BNC2: variants seen among roughly 807,000 people sequenced by gnomAD.
The protein encoded by BNC2 is zinc finger protein basonuclin-2.
In BNC2, 20 loss-of-function variants were observed where a neutral mutation model predicts 76.3. The ratio of observed to expected loss-of-function variants is 0.26; its 90% CI spans 0.18 to 0.38. The LOEUF is 0.38. BNC2 is among the 10% of genes least tolerant of loss of function. The probability of loss-of-function intolerance (pLI) is 1.00; values close to 1 mark genes in which losing one functional copy is unlikely to be tolerated. For synonymous variants in BNC2, 582 were observed against 514.8 expected, an observed-to-expected ratio of 1.13 and a Z score of -1.77; for missense variants, 1,382 against 1,399.8, an observed-to-expected ratio of 0.99 and a Z score of 0.20.
At chr9:16,669,401 C>G (rs1822406695) in intron 3 of BNC2, among the ~76,000 whole-genome samples, 1 of 152,192 alleles carries the variant, frequency 6.6e-6, no homozygotes, top group South Asian at 2.1e-4. Context: ...ATCCAACTCC[C>G]TCAGATCAAG....
intron 4 of BNC2, among the ~76,000 whole-genome samples, chr9:16,570,835 C>T (rs145225192): frequency 7.2e-5 from 11 of 152,234 alleles, no homozygotes; most frequent in African/African-American, 2.4e-4. Context: ...TTTATACCAT[C>T]ACACATATTT....
intron 5 of BNC2, among the ~76,000 whole-genome samples, chr9:16,472,267 C>G (rs1193296906): frequency 6.6e-6 from 1 of 152,156 alleles, no homozygotes; most frequent in Non-Finnish European, 1.5e-5. Context: ...TCTCCTTCCC[C>G]TCTCACTTCC....
chr9:16,626,662 C>A (rs947106850), intron 3 of BNC2, among the ~76,000 whole-genome samples: 16 of 152,060 alleles, frequency 1.1e-4, no homozygotes, highest in East Asian at 7.8e-4. Flanking sequence ...GCCTAGCCTA[C>A]GAAACGTAAA....
chr9:16,647,076 A>C (rs1403604459), intron 3 of BNC2, among the ~76,000 whole-genome samples: 1 of 152,146 alleles, frequency 6.6e-6, no homozygotes, highest in Non-Finnish European at 1.5e-5. Context: ...GATTTTATTT[A>C]AATGCAACCT....
intron 5 of BNC2, among the ~76,000 whole-genome samples, chr9:16,461,558 A>G (rs982641264): frequency 2.0e-5 from 3 of 147,662 alleles, no homozygotes; most frequent in Non-Finnish European, 3.0e-5. Flanking sequence ...AAACGTTTCA[A>G]TCCAGCGCCT....
chr9:16,765,716 C>G (rs1222170755), intron 1 of BNC2, among the ~76,000 whole-genome samples: 3 of 151,738 alleles, frequency 2.0e-5, no homozygotes, highest in African/African-American at 4.8e-5. Flanking sequence ...GGCAATGAAA[C>G]TGTGTATTAA....
intron 3 of BNC2, among the ~76,000 whole-genome samples, chr9:16,697,579 G>C (rs929445985): frequency 6.2e-5 from 9 of 144,658 alleles, no homozygotes; most frequent in African/African-American, 1.7e-4. Context: ...TAAAAGGCTG[G>C]GTATGGTGGC....
At chr9:16,530,783 G>A (rs546889351) in intron 5 of BNC2, among the ~76,000 whole-genome samples, 6 of 152,296 alleles carry the variant, frequency 3.9e-5, no homozygotes, top group African/African-American at 9.6e-5. Flanking sequence ...GTTCACTAAC[G>A]GCAGACTGTT....
At position 16,437,036 on chromosome 9, in the gene BNC2, G is replaced by C. The variant is rs775526320; in HGVS notation, c.1158C>G (p.Ala386=). 5.0e-6 allele frequency: 8 copies of C among 1,613,952 alleles called. No individual in the cohort carries two copies. The African/African-American group carries it at 1.1e-4, about 22-fold the overall frequency. ...GCTCCACATTAGTAATGCTGGTCAG[G>C]GCATTTCTATTGGGTGTTTGATCAT... ...YKNDQTPNRN[A]LTSITNVEPK... The change falls in exon 6 of 7, where the codon GCC becomes GCG. Residue 386 remains alanine, a synonymous_variant. Coordinates refer to ENST00000380672, the MANE Select transcript of BNC2 (RefSeq NM_017637.6).
chr9:16,791,003 T>A (rs775254594), intron 1 of BNC2, among the ~76,000 whole-genome samples: 7 of 152,172 alleles, frequency 4.6e-5, no homozygotes, highest in Non-Finnish European at 1.5e-5. Flanking sequence ...CATGCTTTGC[T>A]GTCCGCTGAT....
intron 4 of BNC2, 54 bp from the exon 5 acceptor site, chr9:16,552,819 G>C (rs1236135744): frequency 7.0e-7 from 1 of 1,421,342 alleles, no homozygotes; most frequent in Non-Finnish European, 9.9e-7. Flanking sequence ...ATAAGATAAA[G>C]AGAGAGAACA....
chr9:16,614,375 T>C (rs971488759), intron 3 of BNC2, among the ~76,000 whole-genome samples: 1 of 151,994 alleles, frequency 6.6e-6, no homozygotes, highest in Admixed American at 6.6e-5. Flanking sequence ...AATCAACACA[T>C]GTATGCTTCA....
chr9:16,721,170 T>C (rs948974841), intron 3 of BNC2, among the ~76,000 whole-genome samples: 4 of 152,290 alleles, frequency 2.6e-5, no homozygotes, highest in Middle Eastern at 3.4e-3. Context: ...TAAAACTTCT[T>C]AGACCTTGAG....
chr9:16,479,229 GA>G (rs1821993576), intron 5 of BNC2, among the ~76,000 whole-genome samples: 1 of 139,722 alleles, frequency 7.2e-6, no homozygotes, highest in Non-Finnish European at 1.5e-5. Context: ...CAGCCTGGGC[GA>G]CAGAACGAGA....
intron 5 of BNC2, among the ~76,000 whole-genome samples, chr9:16,450,932 G>C (rs1821327209): frequency 6.6e-6 from 1 of 152,152 alleles, no homozygotes; most frequent in Non-Finnish European, 1.5e-5. Context: ...GCAGTTAAGG[G>C]GACTGAGATG....
chr9:16,743,507 T>G (rs1156360915), intron 1 of BNC2, among the ~76,000 whole-genome samples: 1 of 152,176 alleles, frequency 6.6e-6, no homozygotes, highest in East Asian at 1.9e-4. Flanking sequence ...TGGACCTTTG[T>G]GTAGTATTGT....
At chr9:16,668,591 T>A (rs1012432935) in intron 3 of BNC2, among the ~76,000 whole-genome samples, 2 of 152,194 alleles carry the variant, frequency 1.3e-5, no homozygotes, top group Non-Finnish European at 2.9e-5. Flanking sequence ...TAAAATACCA[T>A]CTTGAAACAT....
At chr9:16,452,445 G>T (rs1027140305) in intron 5 of BNC2, among the ~76,000 whole-genome samples, 8 of 151,986 alleles carry the variant, frequency 5.3e-5, no homozygotes, top group African/African-American at 1.9e-4. Context: ...TTATTTTTTA[G>T]ACAGTCTTTC....
At chr9:16,564,364 A>G (rs1218214245) in intron 4 of BNC2, among the ~76,000 whole-genome samples, 1 of 152,200 alleles carries the variant, frequency 6.6e-6, no homozygotes, top group Non-Finnish European at 1.5e-5. Context: ...ATCAAGACCA[A>G]GCTAAGAAGT....
Sources: gnomAD v4.1 joint callset for allele counts (sites outside exome capture counted in the v4.1 genomes callset) on GRCh38, gnomAD v4.1.1 for gene constraint, MANE v1.5 for transcripts, NCBI Gene and HGNC (gene_info 2026-07-23, HGNC 2026-07-21) for gene names.